Variants in PLEKHF2 observed in about 807,000 individuals in gnomAD.
PLEKHF2 encodes the protein pleckstrin homology domain-containing family F member 2.
Under a neutral mutation model 14.7 loss-of-function variants are expected in PLEKHF2, and 4 were observed. The ratio of observed to expected loss-of-function variants is 0.27; its 90% CI spans 0.13 to 0.62. PLEKHF2 has a LOEUF of 0.62. PLEKHF2 is among the 20% of genes least tolerant of loss of function. PLEKHF2 has a pLI of 0.85. For synonymous variants in PLEKHF2, 90 were observed against 103.5 expected, an observed-to-expected ratio of 0.87 and a Z score of 0.79; for missense variants, 201 against 307.7, an observed-to-expected ratio of 0.65 and a Z score of 2.60.
chr8:95,153,287 T>C (rs1810581478), intron 1 of PLEKHF2, among the ~76,000 whole-genome samples: 1 of 152,070 alleles, frequency 6.6e-6, no homozygotes, highest in African/African-American at 2.4e-5. Context: ...GAAGGATGAA[T>C]ATGAGTTAGC....
chr8:95,154,879 G>C lies in PLEKHF2; in HGVS notation c.*85G>C, dbSNP rs1235726382. 13 of 1,474,376 alleles carry C rather than the reference G, an allele frequency of 8.8e-6. No individual in the cohort carries two copies. The highest frequency in any genetic ancestry group is 1.1e-5 in the Non-Finnish European group (12 of 1,082,668). The allele number at this position is 1,474,376 out of a possible 1,614,324, so 91.3% of individuals were successfully genotyped here. On this transcript the variant is annotated 3_prime_UTR_variant, in exon 2 of 2. Coordinates refer to ENST00000315367, the MANE Select transcript of PLEKHF2 (RefSeq NM_024613.4). The surrounding 1 kb of genome is among the most constrained non-coding windows in gnomAD (Gnocchi z 5.6). ...ATGTAAGATTCTGAGCTCTCTCTCT[G>C]TTTTGTTCTAGCCATGAATTTGCCT...
chr8:95,146,938 A>T (rs1214732413), intron 1 of PLEKHF2, among the ~76,000 whole-genome samples: 1 of 152,108 alleles, frequency 6.6e-6, no homozygotes, highest in Non-Finnish European at 1.5e-5. Flanking sequence ...AACATACTGT[A>T]AAAAAGAGCT....
intron 1 of PLEKHF2, among the ~76,000 whole-genome samples, chr8:95,148,287 C>T (rs573922491): frequency 6.6e-6 from 1 of 151,664 alleles, no homozygotes; most frequent in East Asian, 1.9e-4. Context: ...TATTTTCGAC[C>T]CAGATAGTCA....
At position 95,155,116 on chromosome 8, in the gene PLEKHF2, CTGTTA is replaced by C. The variant is rs1469666974; in HGVS notation, c.*324_*328del. ...ATGTACTACGTTGTTGTTTTCATTT[CTGTTA>C]TAAGTAAAACTAAAAGCACAGAATG... is the stretch of plus-strand genomic sequence containing the variant. On this transcript the variant is annotated 3_prime_UTR_variant, in exon 2 of 2. Transcript: ENST00000315367. 5.3e-5 allele frequency: 13 copies of C among 246,980 alleles called. No individual in the cohort carries two copies. The South Asian group carries it at 9.5e-4, about 18-fold the overall frequency. The allele number at this position is 246,980 out of a possible 1,614,324, so 15.3% of individuals were successfully genotyped here.
At chr8:95,153,505 A>G (rs1810583173) in intron 1 of PLEKHF2, among the ~76,000 whole-genome samples, 1 of 152,174 alleles carries the variant, frequency 6.6e-6, no homozygotes, top group Admixed American at 6.6e-5. Context: ...TTTAGAGATC[A>G]CTGCCCAAAG....
At chr8:95,140,937 G>GT (rs549237122) in intron 1 of PLEKHF2, among the ~76,000 whole-genome samples, 1 of 151,998 alleles carries the variant, frequency 6.6e-6, no homozygotes, top group African/African-American at 2.4e-5. Context: ...TCCTTGTTTT[G>GT]TTTTTTTCCT....
intron 1 of PLEKHF2, among the ~76,000 whole-genome samples, chr8:95,153,142 C>G (rs1437076065): frequency 6.6e-6 from 1 of 152,070 alleles, no homozygotes; most frequent in Non-Finnish European, 1.5e-5. Context: ...TCTGGAGGAA[C>G]AGATTTCAGT....
chr8:95,145,563 A>G (rs1023011979), intron 1 of PLEKHF2, among the ~76,000 whole-genome samples: 2 of 151,760 alleles, frequency 1.3e-5, no homozygotes, highest in African/African-American at 2.4e-5. Context: ...AGCTGGGACT[A>G]CAGGCACCCA....
At chr8:95,153,364 A>G (rs945844361) in intron 1 of PLEKHF2, among the ~76,000 whole-genome samples, 3 of 152,216 alleles carry the variant, frequency 2.0e-5, no homozygotes, top group African/African-American at 7.2e-5. Flanking sequence ...TTCTTAGAAT[A>G]TGACATTTGA....
intron 1 of PLEKHF2, among the ~76,000 whole-genome samples, chr8:95,148,897 G>A (rs1469270076): frequency 6.6e-6 from 1 of 152,042 alleles, no homozygotes; most frequent in Non-Finnish European, 1.5e-5. Flanking sequence ...TATCTGGATA[G>A]GGAAGCTTAG....
chr8:95,140,768 G>A (rs1392196655), intron 1 of PLEKHF2, among the ~76,000 whole-genome samples: 1 of 151,986 alleles, frequency 6.6e-6, no homozygotes, highest in East Asian at 1.9e-4. Context: ...TCAACTCCTT[G>A]GCCCTGGGAC....
intron 1 of PLEKHF2, among the ~76,000 whole-genome samples, chr8:95,153,045 C>T (rs575675726): frequency 1.9e-4 from 29 of 152,212 alleles, no homozygotes; most frequent in African/African-American, 6.7e-4. Flanking sequence ...ATGTTATTAA[C>T]ATTTTTTAGT....
chr8:95,140,651 C>A (rs1156869778), intron 1 of PLEKHF2, among the ~76,000 whole-genome samples: 1 of 152,180 alleles, frequency 6.6e-6, no homozygotes, highest in African/African-American at 2.4e-5. Flanking sequence ...CATCCCCAAA[C>A]CCCAGATAGT....
At chr8:95,151,099 A>G (rs1810557203) in intron 1 of PLEKHF2, among the ~76,000 whole-genome samples, 1 of 152,148 alleles carries the variant, frequency 6.6e-6, no homozygotes, top group African/African-American at 2.4e-5. Flanking sequence ...TTTGTGCCTT[A>G]ATTTCTTCAT....
At chr8:95,134,880 A>T (rs908798871) in intron 1 of PLEKHF2, among the ~76,000 whole-genome samples, 1 of 152,158 alleles carries the variant, frequency 6.6e-6, no homozygotes, top group Non-Finnish European at 1.5e-5. Context: ...AAAGATTTAG[A>T]CAGAAACTTT....
chr8:95,140,412 G>A (rs568889750), intron 1 of PLEKHF2, among the ~76,000 whole-genome samples: 2 of 152,224 alleles, frequency 1.3e-5, no homozygotes, highest in African/African-American at 4.8e-5. Context: ...AGTCCATCCC[G>A]TGTACTGCTT....
chr8:95,137,592 T>A (rs1027866186), intron 1 of PLEKHF2, among the ~76,000 whole-genome samples: 2 of 152,274 alleles, frequency 1.3e-5, no homozygotes, highest in Non-Finnish European at 1.5e-5. Context: ...TTTCATTTTG[T>A]AGTTGAGTAA....
At chr8:95,151,531 G>A (rs1471686353) in intron 1 of PLEKHF2, among the ~76,000 whole-genome samples, 2 of 151,052 alleles carry the variant, frequency 1.3e-5, no homozygotes, top group African/African-American at 4.9e-5. Flanking sequence ...AGTCTGAATA[G>A]CTCTCAGTTT....
intron 1 of PLEKHF2, among the ~76,000 whole-genome samples, chr8:95,139,118 C>T (rs1027537828): frequency 1.3e-5 from 2 of 152,028 alleles, no homozygotes; most frequent in African/African-American, 2.4e-5. Context: ...ATTTACTGGT[C>T]ATTTTCATTT....
Sources: allele counts gnomAD v4.1 joint callset (sites outside exome capture counted in the v4.1 genomes callset), GRCh38; gene constraint gnomAD v4.1.1; non-coding constraint Gnocchi (gnomAD v3.1); transcripts MANE v1.5; gene names NCBI Gene and HGNC (gene_info 2026-07-23, HGNC 2026-07-21).